The following PTK2 variants were observed in gnomAD, a reference collection of about 807,000 sequenced individuals.
PTK2 encodes protein tyrosine kinase 2, also known as focal adhesion kinase 1.
A neutral mutation model predicts 150.1 loss-of-function variants in PTK2; 45 were observed. The ratio of observed to expected loss-of-function variants is 0.30; its 90% CI spans 0.24 to 0.38. The LOEUF (loss-of-function observed/expected upper bound fraction) is 0.38. PTK2 is among the 10% of genes least tolerant of loss of function. PTK2 has a pLI of 1.00. For missense variants in PTK2, 919 were observed against 1,307.3 expected (o/e 0.70, Z 4.58); for synonymous variants, 432 against 449.2 (o/e 0.96, Z 0.48).
intron 1 of PTK2, among the ~76,000 whole-genome samples, chr8:140,961,640 C>T (rs1390634691): frequency 1.4e-5 from 2 of 147,112 alleles, no homozygotes; most frequent in African/African-American, 2.5e-5. Flanking sequence ...CCAGCCTGAG[C>T]GACACAGCGA....
intron 14 of PTK2, among the ~76,000 whole-genome samples, chr8:140,772,299 C>T (rs1232620008): frequency 1.3e-5 from 2 of 152,112 alleles, no homozygotes; most frequent in Non-Finnish European, 2.9e-5. Flanking sequence ...TGTGGAGTCA[C>T]GTACCCGTGG....
At chr8:140,812,702 T>C (rs1227632755) in intron 10 of PTK2, among the ~76,000 whole-genome samples, 1 of 151,906 alleles carries the variant, frequency 6.6e-6, no homozygotes, top group Non-Finnish European at 1.5e-5. Flanking sequence ...ATCATTCAAA[T>C]GGAAAACAGA....
chr8:140,824,263 A>C (rs2100110578), intron 8 of PTK2, among the ~76,000 whole-genome samples: 1 of 152,186 alleles, frequency 6.6e-6, no homozygotes, highest in African/African-American at 2.4e-5. Flanking sequence ...CTGGACTCCA[A>C]TTTTACTGTA....
At chr8:140,886,994 A>G (rs536465206) in intron 3 of PTK2, among the ~76,000 whole-genome samples, 39 of 152,222 alleles carry the variant, frequency 2.6e-4, no homozygotes, top group African/African-American at 9.4e-4. Context: ...TTGACCCCAC[A>G]CTTATCTCTA....
In PTK2 at chr8:140,779,374, T is replaced by C. The variant is rs552426472; in HGVS notation, c.1177+10100A>G. The stretch of plus-strand genomic sequence containing the variant: ...GACAGTGAACTGGGTGCTCAGAACT[T>C]TGAGGAACATAGGACAGCCTTGTTC... On this transcript the variant is annotated intron_variant, in intron 14 of 31. Transcript: ENST00000522684. Among the ~76,000 whole-genome samples, 7 of 152,172 alleles carry C rather than the reference T, an allele frequency of 4.6e-5. No individual in the cohort carries two copies. The South Asian group carries it at 1.0e-3, about 23-fold the overall frequency.
chr8:140,919,498 A>G (rs773151522), intron 2 of PTK2, among the ~76,000 whole-genome samples: 2 of 108,216 alleles, frequency 1.8e-5, no homozygotes, highest in Non-Finnish European at 4.1e-5. Context: ...TCTTGAATAC[A>G]GCTTAGGCTT....
chr8:140,990,767 A>G (rs1003202968), intron 1 of PTK2, among the ~76,000 whole-genome samples: 2 of 152,174 alleles, frequency 1.3e-5, no homozygotes, highest in African/African-American at 2.4e-5. Flanking sequence ...CCTTTACAAC[A>G]AAGACTATAC....
At chr8:140,988,105 T>C (rs2100194049) in intron 1 of PTK2, among the ~76,000 whole-genome samples, 2 of 151,290 alleles carry the variant, frequency 1.3e-5, no homozygotes, top group Admixed American at 1.3e-4. Flanking sequence ...ATTCCAGTCC[T>C]AGTCCAACCA....
At chr8:140,892,552 C>T (rs1431864466) in intron 2 of PTK2, 3 of 431,400 alleles carry the variant, frequency 7.0e-6, no homozygotes, top group Non-Finnish European at 1.3e-5. Flanking sequence ...ACTATCTGTC[C>T]AGCAAAGAAA....
intron 29 of PTK2, chr8:140,674,007 TTC>T: frequency 9.6e-6 from 5 of 522,222 alleles, no homozygotes; most frequent in South Asian, 1.5e-5. Context: ...AAAGAAAACA[TTC>T]TGTCTGATCA....
chr8:140,844,525 T>C (rs2100124204), intron 7 of PTK2, among the ~76,000 whole-genome samples: 2 of 152,220 alleles, frequency 1.3e-5, no homozygotes, highest in African/African-American at 2.4e-5. Context: ...ACTTAATTTG[T>C]TGCTCGAATT....
intron 5 of PTK2, among the ~76,000 whole-genome samples, chr8:140,853,520 T>G (rs567071800): frequency 6.6e-6 from 1 of 152,088 alleles, no homozygotes; most frequent in East Asian, 1.9e-4. Context: ...GGACATGAAC[T>G]CATCCTTTTT....
At chr8:140,908,304 G>A (rs1382222097) in intron 2 of PTK2, among the ~76,000 whole-genome samples, 19 of 152,178 alleles carry the variant, frequency 1.2e-4, no homozygotes. Flanking sequence ...CCTGAAGCTA[G>A]CAGAGGTTGG....
At chr8:140,659,614 G>C (rs1426884297) in exon 32 of PTK2, 2 of 1,614,066 alleles carry the variant, frequency 1.2e-6, no homozygotes, top group Non-Finnish European at 1.7e-6. Context: ...ATACTGCTGG[G>C]CCAGTTTCAT....
chr8:140,711,696 G>A (rs987328681), intron 23 of PTK2, among the ~76,000 whole-genome samples: 3 of 152,154 alleles, frequency 2.0e-5, no homozygotes, highest in African/African-American at 7.2e-5. Flanking sequence ...AGCTGTGGGG[G>A]TCTGCTTTGT....
chr8:140,698,019 C>T (rs2100027894), intron 26 of PTK2, among the ~76,000 whole-genome samples: 1 of 151,882 alleles, frequency 6.6e-6, no homozygotes, highest in South Asian at 2.1e-4. Flanking sequence ...ATGTCATTAC[C>T]CGCACTCTTC....
chr8:140,957,353 G>A (rs954440680), intron 1 of PTK2, among the ~76,000 whole-genome samples: 18 of 152,218 alleles, frequency 1.2e-4, no homozygotes, highest in Non-Finnish European at 2.1e-4. Context: ...ACTTGAGCCC[G>A]GGAAGGGGCT....
chr8:140,780,125 G>A (rs1002884293), intron 14 of PTK2, among the ~76,000 whole-genome samples: 9 of 152,270 alleles, frequency 5.9e-5, no homozygotes, highest in Non-Finnish European at 1.2e-4. Flanking sequence ...GCCTGCTCCC[G>A]AGGGTAATGA....
chr8:140,864,948 G>A (rs1300774752), intron 4 of PTK2, among the ~76,000 whole-genome samples: 1 of 152,152 alleles, frequency 6.6e-6, no homozygotes, highest in African/African-American at 2.4e-5. Flanking sequence ...AGGAGCACTG[G>A]ATAACAAATA....
Sources: gnomAD v4.1 joint callset for allele counts (sites outside exome capture counted in the v4.1 genomes callset) on GRCh38, gnomAD v4.1.1 for gene constraint, MANE v1.5 for transcripts, NCBI Gene and HGNC (gene_info 2026-07-23, HGNC 2026-07-21) for gene names.